PARD3B: variants seen among roughly 807,000 people sequenced by gnomAD.
The protein encoded by PARD3B is partitioning defective 3 homolog B.
Under a neutral mutation model 130.2 loss-of-function variants are expected in PARD3B, and 103 were observed. The observed-to-expected ratio is 0.79, with a 90% confidence interval of 0.67 to 0.93. The LOEUF is 0.93. Among genes scored for constraint, PARD3B ranks in the 40% least tolerant of loss-of-function variants. The pLI is 0.00. For synonymous variants in PARD3B, 583 were observed against 553.2 expected, an observed-to-expected ratio of 1.05 and a Z score of -0.76; for missense variants, 1,609 against 1,499.2, an observed-to-expected ratio of 1.07 and a Z score of -1.21.
At chr2:204,573,791 G>A (rs1186935919) in intron 1 of PARD3B, among the ~76,000 whole-genome samples, 1 of 152,198 alleles carries the variant, frequency 6.6e-6, no homozygotes, top group African/African-American at 2.4e-5. Flanking sequence ...TTTTGTCAGA[G>A]TCTACAGCTC....
intron 22 of PARD3B, among the ~76,000 whole-genome samples, chr2:205,554,249 CAG>C (rs1357099325): frequency 1.7e-5 from 2 of 117,686 alleles, no homozygotes; most frequent in African/African-American, 6.5e-5. Context: ...AGACCCCAAG[CAG>C]AGTTTTTTTA....
chr2:204,685,122 C>T (rs1055777096), intron 1 of PARD3B, among the ~76,000 whole-genome samples: 4 of 152,002 alleles, frequency 2.6e-5, no homozygotes, highest in Non-Finnish European at 5.9e-5. Context: ...AATTGAATTC[C>T]GTGGGTTATA....
intron 3 of PARD3B, among the ~76,000 whole-genome samples, chr2:204,981,286 A>G (rs1692645733): frequency 3.9e-5 from 6 of 152,154 alleles, no homozygotes; most frequent in Admixed American, 3.9e-4. Context: ...CAGCATCCCT[A>G]TTCATATCAA....
chr2:205,163,200 G>T (rs2034607638), intron 11 of PARD3B, among the ~76,000 whole-genome samples: 1 of 152,146 alleles, frequency 6.6e-6, no homozygotes, highest in South Asian at 2.1e-4. Flanking sequence ...CTGAAACTTT[G>T]ACCTAGTAAG....
chr2:204,750,320 C>G (rs555667075), intron 2 of PARD3B, among the ~76,000 whole-genome samples: 8 of 152,242 alleles, frequency 5.3e-5, no homozygotes, highest in African/African-American at 1.4e-4. Context: ...CTGTGACTCA[C>G]GCCTGTAATC....
chr2:205,344,607 C>T (rs760030804), intron 18 of PARD3B, among the ~76,000 whole-genome samples: 16 of 152,206 alleles, frequency 1.1e-4, no homozygotes, highest in African/African-American at 3.1e-4. Context: ...CCTAGAAATG[C>T]GGAACATACT....
intron 2 of PARD3B, among the ~76,000 whole-genome samples, chr2:204,904,087 T>C (rs2046961642): frequency 6.6e-6 from 1 of 152,190 alleles, no homozygotes; most frequent in South Asian, 2.1e-4. Flanking sequence ...CTCTGATTTA[T>C]TTTACTTTAT....
intron 3 of PARD3B, among the ~76,000 whole-genome samples, chr2:204,983,399 T>TG (rs1692853647): frequency 8.9e-6 from 1 of 111,972 alleles, no homozygotes; most frequent in Admixed American, 1.0e-4. Flanking sequence ...ATGGTGGCTG[T>TG]GGGGGGAGTC....
intron 20 of PARD3B, among the ~76,000 whole-genome samples, chr2:205,448,105 T>C (rs1408771347): frequency 3.9e-5 from 6 of 152,234 alleles, no homozygotes; most frequent in Non-Finnish European, 7.3e-5. Context: ...TCTTGTATAA[T>C]CATTTCTTCG....
At position 205,191,189 on chromosome 2, in the gene PARD3B, G is replaced by A. The variant is rs991435771; in HGVS notation, c.2025-2016G>A. Reference sequence around the variant, plus strand: ...TGGCAAATGCCTTAGGCCCTCATTCGAAGACCATACTAACCTACAGAAATA... The same window carrying A: ...TGGCAAATGCCTTAGGCCCTCATTCAAAGACCATACTAACCTACAGAAATA... On this transcript the variant is annotated intron_variant, in intron 14 of 22. Transcript: ENST00000406610. Among the ~76,000 whole-genome samples the A allele has an allele frequency of 3.4e-4, 52 of 151,740 alleles. 1 individual carries two copies. Among genetic ancestry groups the A allele is most frequent in the African/African-American group, 1.0e-3 (43 of 41,398 alleles).
At chr2:205,539,810 C>G (rs1275738577) in intron 21 of PARD3B, among the ~76,000 whole-genome samples, 5 of 151,844 alleles carry the variant, frequency 3.3e-5, no homozygotes, top group Admixed American at 3.3e-4. Flanking sequence ...CCTCAGATCT[C>G]CACTAGGTGG....
intron 10 of PARD3B, among the ~76,000 whole-genome samples, chr2:205,130,541 A>G (rs1387956039): frequency 2.0e-5 from 3 of 152,178 alleles, no homozygotes; most frequent in African/African-American, 7.2e-5. Flanking sequence ...ATGTGCATGT[A>G]TGTGCATGTC....
intron 15 of PARD3B, among the ~76,000 whole-genome samples, chr2:205,224,436 T>C (rs2038429339): frequency 6.6e-6 from 1 of 150,716 alleles, no homozygotes; most frequent in South Asian, 2.1e-4. Flanking sequence ...CAATAAATTA[T>C]TGTTGACTGT....
At chr2:204,805,149 G>A (rs561049244) in intron 2 of PARD3B, among the ~76,000 whole-genome samples, 2 of 152,134 alleles carry the variant, frequency 1.3e-5, no homozygotes, top group African/African-American at 4.8e-5. Context: ...CAAAAAGTTG[G>A]TTTTTTGAAA....
At chr2:205,311,135 C>A (rs2042373112) in intron 18 of PARD3B, among the ~76,000 whole-genome samples, 1 of 152,204 alleles carries the variant, frequency 6.6e-6, no homozygotes, top group East Asian at 1.9e-4. Flanking sequence ...CTGCAATTAA[C>A]ATGAGAGTGC....
intron 2 of PARD3B, among the ~76,000 whole-genome samples, chr2:204,812,691 A>G (rs1234484567): frequency 6.6e-6 from 1 of 152,126 alleles, no homozygotes; most frequent in African/African-American, 2.4e-5. Flanking sequence ...AAGGTCATAT[A>G]CCAGTTAAAC....
intron 1 of PARD3B, among the ~76,000 whole-genome samples, chr2:204,646,466 TGTTA>T (rs946120200): frequency 1.3e-5 from 2 of 152,076 alleles, no homozygotes; most frequent in Admixed American, 6.6e-5. Context: ...AGCTGTAGGT[TGTTA>T]GTTTTCAGTT....
At chr2:204,589,058 C>T (rs2032960973) in intron 1 of PARD3B, among the ~76,000 whole-genome samples, 1 of 152,092 alleles carries the variant, frequency 6.6e-6, no homozygotes, top group Non-Finnish European at 1.5e-5. Flanking sequence ...AGATGCCTCA[C>T]CAGTGTGCTT....
chr2:205,328,278 C>A (rs1393879794), intron 18 of PARD3B, among the ~76,000 whole-genome samples: 2 of 152,118 alleles, frequency 1.3e-5, no homozygotes, highest in Non-Finnish European at 2.9e-5. Context: ...GACATTATAT[C>A]ATTATCTCTT....
Sources: gnomAD v4.1 joint callset for allele counts (sites outside exome capture counted in the v4.1 genomes callset) on GRCh38, gnomAD v4.1.1 for gene constraint, MANE v1.5 for transcripts, NCBI Gene and HGNC (gene_info 2026-07-23, HGNC 2026-07-21) for gene names.